ROBO2: variants seen among roughly 807,000 people sequenced by gnomAD.
ROBO2 encodes the protein roundabout guidance receptor 2, also known as roundabout homolog 2.
In ROBO2, 53 loss-of-function variants were observed where a neutral mutation model predicts 160.8. The observed-to-expected ratio is 0.33, with a 90% CI of 0.26 to 0.41. The LOEUF is 0.41. Among genes scored for constraint, ROBO2 ranks in the 10% least tolerant of loss-of-function variants. The probability of loss-of-function intolerance (pLI) is 1.00; values close to 1 mark genes in which losing one functional copy is unlikely to be tolerated. For missense variants in ROBO2, 1,577 were observed against 1,722.4 expected, an observed-to-expected ratio of 0.92 and a Z score of 1.49; for synonymous variants, 664 against 611.7, an observed-to-expected ratio of 1.09 and a Z score of -1.26.
chr3:76,524,826 TAAAAAAAAAAAAAAA>T lies in ROBO2; in HGVS notation c.110-573162_110-573148del, dbSNP rs58091252. ...TAAAAACCTATGACCCTCTTATTCC[TAAAAAAAAAAAAAAA>T]AAAAAAAAAAAAAAAAAAAAAAAAA... On this transcript the variant is annotated intron_variant, in intron 2 of 26. Coordinates refer to the ROBO2 transcript ENST00000487694. 5.2e-3 allele frequency among the ~76,000 whole-genome samples: 114 copies of T among 21,736 alleles called. 2 individuals are homozygous for T. In the East Asian group the frequency reaches 0.093, roughly 18 times the overall value. The allele number at this position is 21,736 out of a possible 152,430, so 14.3% of individuals were successfully genotyped here.
At chr3:76,322,012 G>A (rs559157478) in intron 2 of ROBO2, among the ~76,000 whole-genome samples, 2 of 151,766 alleles carry the variant, frequency 1.3e-5, no homozygotes, top group Admixed American at 6.6e-5. Context: ...TAAAGTTGTA[G>A]GGCTGGTCCT....
intron 15 of ROBO2, among the ~76,000 whole-genome samples, chr3:77,579,182 A>C (rs2093847859): frequency 1.3e-5 from 2 of 152,136 alleles, no homozygotes; most frequent in South Asian, 4.1e-4. Context: ...ATTTCTTTTC[A>C]TAACACATTT....
chr3:76,500,279 T>C (rs2107631777), intron 2 of ROBO2, among the ~76,000 whole-genome samples: 1 of 152,264 alleles, frequency 6.6e-6, no homozygotes, highest in Non-Finnish European at 1.5e-5. Flanking sequence ...CCACCATACC[T>C]GGCTAATTTG....
At chr3:76,835,275 A>T (rs577191066) in intron 2 of ROBO2, among the ~76,000 whole-genome samples, 12 of 151,350 alleles carry the variant, frequency 7.9e-5, no homozygotes, top group African/African-American at 2.7e-4. Flanking sequence ...AAAGCTTAGA[A>T]GTTTTCAAAC....
In ROBO2 at chr3:77,055,894, C is replaced by T. The variant is rs60658153; in HGVS notation, c.61+15048C>T. Among the ~76,000 whole-genome samples the T allele has an allele frequency of 1.7e-3, 264 of 152,228 alleles. 2 individuals carry two copies. The highest frequency in any genetic ancestry group is 5.9e-3 in the African/African-American group (247 of 41,552). ...TGGCCAAATGATGATTGTCATAAAACGTAACTTTTTAAGTAGTTGTGAAAT... is the reference window on the plus strand; with the variant it reads ...TGGCCAAATGATGATTGTCATAAAATGTAACTTTTTAAGTAGTTGTGAAAT... On this transcript the variant is annotated intron_variant, in intron 1 of 25. Coordinates refer to ENST00000461745, the Ensembl canonical transcript of ROBO2.
At chr3:76,265,542 A>G (rs1204424639) in intron 2 of ROBO2, among the ~76,000 whole-genome samples, 1 of 152,112 alleles carries the variant, frequency 6.6e-6, no homozygotes, top group Non-Finnish European at 1.5e-5. Context: ...CACTCAACTC[A>G]ATTTCTTCAC....
chr3:76,971,717 T>C (rs2059581595), intron 2 of ROBO2, among the ~76,000 whole-genome samples: 1 of 152,188 alleles, frequency 6.6e-6, no homozygotes, highest in Non-Finnish European at 1.5e-5. Context: ...GCATGTGCTT[T>C]ACAATTCAAA....
chr3:77,358,379 A>C (rs1259650993), intron 2 of ROBO2, among the ~76,000 whole-genome samples: 1 of 152,126 alleles, frequency 6.6e-6, no homozygotes, highest in East Asian at 1.9e-4. Context: ...GATTGAGTGC[A>C]CCTTACTCCG....
At chr3:76,591,937 G>A (rs998122871) in intron 2 of ROBO2, among the ~76,000 whole-genome samples, 1 of 151,970 alleles carries the variant, frequency 6.6e-6, no homozygotes, top group Non-Finnish European at 1.5e-5. Flanking sequence ...ATTCAAATCC[G>A]ACTACACAGA....
At chr3:77,145,419 G>T (rs570290557) in intron 2 of ROBO2, among the ~76,000 whole-genome samples, 1 of 152,154 alleles carries the variant, frequency 6.6e-6, no homozygotes, top group Non-Finnish European at 1.5e-5. Context: ...TGAAGGAACC[G>T]CTGTATTTTA....
intron 2 of ROBO2, among the ~76,000 whole-genome samples, chr3:76,611,915 G>A (rs1015082232): frequency 6.6e-6 from 1 of 151,650 alleles, no homozygotes; most frequent in African/African-American, 2.4e-5. Context: ...CTTTCCTCTT[G>A]GTACTACTTT....
intron 2 of ROBO2, among the ~76,000 whole-genome samples, chr3:76,290,716 G>T (rs1269876072): frequency 6.6e-6 from 1 of 151,922 alleles, no homozygotes. Context: ...GTTTGTTGAG[G>T]GTTTTTAAAA....
chr3:75,968,132 G>A (rs1949186024), intron 2 of ROBO2, among the ~76,000 whole-genome samples: 1 of 151,546 alleles, frequency 6.6e-6, no homozygotes, highest in Non-Finnish European at 1.5e-5. Flanking sequence ...AGTTAATTAG[G>A]ACAATAGGTG....
chr3:77,361,122 T>C (rs1217896502), intron 2 of ROBO2, among the ~76,000 whole-genome samples: 1 of 152,184 alleles, frequency 6.6e-6, no homozygotes, highest in Non-Finnish European at 1.5e-5. Context: ...AATTGTACTT[T>C]TCATAAAATA....
intron 2 of ROBO2, among the ~76,000 whole-genome samples, chr3:76,474,286 T>C (rs953733551): frequency 3.3e-5 from 5 of 152,294 alleles, no homozygotes; most frequent in African/African-American, 7.2e-5. Flanking sequence ...ATTGTAACTA[T>C]AGAGTTCTAG....
At chr3:76,156,304 A>T (rs2072406434) in intron 2 of ROBO2, among the ~76,000 whole-genome samples, 1 of 152,140 alleles carries the variant, frequency 6.6e-6, no homozygotes, top group Non-Finnish European at 1.5e-5. Flanking sequence ...GTGACAGAAA[A>T]AAAAAGCATT....
At chr3:76,057,010 C>T (rs979114743) in intron 2 of ROBO2, among the ~76,000 whole-genome samples, 5 of 152,132 alleles carry the variant, frequency 3.3e-5, no homozygotes, top group African/African-American at 9.7e-5. Context: ...CCTGAATATT[C>T]TGTCTACTTA....
chr3:77,531,849 T>G lies in ROBO2; in HGVS notation c.934+8947T>G, dbSNP rs185001301. Among the ~76,000 whole-genome samples the G allele has an allele frequency of 2.6e-3, 399 of 152,236 alleles. 1 individual carries two copies. Among genetic ancestry groups the G allele is most frequent in the Non-Finnish European group, 4.5e-3 (309 of 68,018 alleles). Reference sequence around the variant, plus strand: ...CATCCCTTTTCTTTGGACAAGCTGTTACCCCATGACCTGAGGTAATCATCT... The same window carrying G: ...CATCCCTTTTCTTTGGACAAGCTGTGACCCCATGACCTGAGGTAATCATCT... On this transcript the variant is annotated intron_variant, in intron 6 of 25. Transcript: ENST00000461745.
intron 2 of ROBO2, chr3:76,311,180 T>A (rs1490483776): frequency 6.6e-6 from 1 of 152,206 alleles, no homozygotes; most frequent in Non-Finnish European, 1.5e-5. Context: ...ACTTCAGCTG[T>A]TAAAGATGGC....
Sources: gnomAD v4.1 joint callset for allele counts (sites outside exome capture counted in the v4.1 genomes callset) on GRCh38, gnomAD v4.1.1 for gene constraint, MANE v1.5 for transcripts, NCBI Gene and HGNC (gene_info 2026-07-23, HGNC 2026-07-21) for gene names.